Variants in DNAJC13 observed in about 807,000 individuals in gnomAD.
DNAJC13 encodes DnaJ heat shock protein family (Hsp40) member C13.
DNAJC13 carries 75 observed loss-of-function variants against 290.5 expected under a neutral mutation model. The observed-to-expected ratio is 0.26, with a 90% CI of 0.21 to 0.31. The LOEUF is 0.31. Ranked by LOEUF, DNAJC13 falls within the 10% of genes least tolerant of loss-of-function variation. The pLI is 1.00. For synonymous variants in DNAJC13, 862 were observed against 892.0 expected, an observed-to-expected ratio of 0.97 and a Z score of 0.60; for missense variants, 2,260 against 2,674.5, an observed-to-expected ratio of 0.85 and a Z score of 3.42.
intron 33 of DNAJC13, among the ~76,000 whole-genome samples, 173 bp downstream of exon 33, chr3:132,492,788 A>C (rs1935105192): frequency 6.7e-6 from 1 of 149,564 alleles, no homozygotes; most frequent in Non-Finnish European, 1.5e-5. Flanking sequence ...GGTAGATCTC[A>C]CACTGAAAGA....
At chr3:132,505,032 A>T (rs1171130229) in intron 41 of DNAJC13, among the ~76,000 whole-genome samples, 5 of 152,226 alleles carry the variant, frequency 3.3e-5, no homozygotes, top group Admixed American at 2.0e-4. Context: ...AGAATGTTGA[A>T]GTCAGACTCA....
intron 30 of DNAJC13, 51 bp downstream of exon 30, chr3:132,488,503 G>T: frequency 6.8e-7 from 1 of 1,481,014 alleles, no homozygotes; most frequent in Non-Finnish European, 9.1e-7. Context: ...AATTTTATAT[G>T]GACTGATTTA....
rs191658357 is a variant in DNAJC13 at position 132,498,808 on chromosome 3, C to T, written c.4157-318C>T. Among the ~76,000 whole-genome samples the T allele has an allele frequency of 6.6e-5, 10 of 152,086 alleles. No homozygotes were observed. In the East Asian group the frequency reaches 9.7e-4, roughly 15 times the overall value. On this transcript the variant is annotated intron_variant, in intron 36 of 55. Coordinates refer to ENST00000260818, the MANE Select transcript of DNAJC13 (RefSeq NM_015268.4). The stretch of plus-strand genomic sequence containing the variant: ...TCCACTCACTGCAAGCTCCACCTCC[C>T]GGGTTCACACCTTTCTCCTGCCTCA...
chr3:132,492,380 C>G, intron 32 of DNAJC13, 34 bp from the exon 33 acceptor site: 1 of 1,605,238 alleles, frequency 6.2e-7, no homozygotes, highest in Non-Finnish European at 8.5e-7. Flanking sequence ...AATAATACCT[C>G]ATAAAGCTTG....
chr3:132,486,081 C>CTTT (rs1200741743), intron 29 of DNAJC13, among the ~76,000 whole-genome samples: 1 of 75,656 alleles, frequency 1.3e-5, no homozygotes, highest in Non-Finnish European at 2.6e-5. Context: ...AATGCCCTAT[C>CTTT]CTTTTTTTTT....
At chr3:132,461,003 G>T (rs201484407) in intron 14 of DNAJC13, 47 bp from the exon 15 acceptor site, 1 of 1,553,330 alleles carries the variant, frequency 6.4e-7, no homozygotes, top group Non-Finnish European at 8.8e-7. Context: ...TTTAACTGAA[G>T]GTCCCCATCT....
intron 1 of DNAJC13, among the ~76,000 whole-genome samples, chr3:132,429,837 A>C (rs1939195510): frequency 6.6e-6 from 1 of 152,188 alleles, no homozygotes; most frequent in Non-Finnish European, 1.5e-5. Context: ...TTTCAAATAG[A>C]GGAGCAATTT....
intron 28 of DNAJC13, 97 bp downstream of exon 28, chr3:132,483,674 A>T: frequency 8.1e-7 from 1 of 1,240,486 alleles, no homozygotes; most frequent in Non-Finnish European, 1.2e-6. Context: ...TGTCCTATTT[A>T]TGGCCTTGGA....
intron 33 of DNAJC13, among the ~76,000 whole-genome samples, chr3:132,493,003 A>G (rs1282226153): frequency 6.6e-6 from 1 of 152,076 alleles, no homozygotes; most frequent in Non-Finnish European, 1.5e-5. Flanking sequence ...CTGGGCCATT[A>G]ATATTTAATA....
intron 9 of DNAJC13, among the ~76,000 whole-genome samples, chr3:132,455,982 G>A (rs1466471132): frequency 2.6e-5 from 4 of 152,162 alleles, no homozygotes; most frequent in Admixed American, 1.3e-4. Context: ...GAGTAAAGCT[G>A]TTAAAAATAA....
intron 2 of DNAJC13, among the ~76,000 whole-genome samples, chr3:132,440,423 A>T (rs1933024240): frequency 6.6e-6 from 1 of 152,274 alleles, no homozygotes; most frequent in South Asian, 2.1e-4. Flanking sequence ...AGCCAGGCAC[A>T]TAAGTGCCAA....
chr3:132,535,069 G>A (rs1050192901), intron 55 of DNAJC13, among the ~76,000 whole-genome samples: 3 of 152,186 alleles, frequency 2.0e-5, no homozygotes, highest in African/African-American at 7.2e-5. Flanking sequence ...TTGAAATCAA[G>A]GTTGCTGTGA....
Position 132,523,666 on chromosome 3 carries a change from G to C in DNAJC13, c.6013G>C (p.Ala2005Pro). 1 of 1,613,930 alleles carries C rather than the reference G, an allele frequency of 6.2e-7. No homozygotes were observed. The change falls in exon 51 of 56, where the codon GCC (alanine) becomes CCC (proline). Residue 2005 changes from alanine to proline, a missense_variant. Around this residue, in one of 3 missense-constraint regions of DNAJC13, gnomAD observed 1,494 missense variants for 1,693.7 expected, o/e 0.88. Transcript: ENST00000260818. ...VLRKPREFLI[A>P]LLEKLTELLE... ...AAGAAAGCCTAGAGAATTTCTTATTGCCCTGTTAGAAAAATTAACTGAGCT... is the reference window on the plus strand; with the variant it reads ...AAGAAAGCCTAGAGAATTTCTTATTCCCCTGTTAGAAAAATTAACTGAGCT...
intron 48 of DNAJC13, 100 bp downstream of exon 48, chr3:132,516,916 T>G: frequency 9.9e-7 from 1 of 1,012,230 alleles, no homozygotes; most frequent in South Asian, 1.6e-5. Context: ...ATGGTGAGGA[T>G]AAGGAAATGA....
chr3:132,480,302 A>G lies in DNAJC13; in HGVS notation c.2773-67A>G, dbSNP rs1233101111. On this transcript the variant is annotated intron_variant, in intron 25 of 55. Coordinates refer to ENST00000260818, the MANE Select transcript of DNAJC13 (RefSeq NM_015268.4). Reference sequence around the variant, plus strand: ...GGTGGTAGTACCTATTGGGAAAGGTACTATTGGGATAGGTTTTAGGTTATG... The same window carrying G: ...GGTGGTAGTACCTATTGGGAAAGGTGCTATTGGGATAGGTTTTAGGTTATG... 6.8e-6 allele frequency: 7 copies of G among 1,032,736 alleles called. No individual in the cohort carries two copies. The East Asian group carries it at 1.5e-4, about 22-fold the overall frequency. 64.0% of individuals were successfully genotyped at this position (1,032,736 alleles called of 1,614,324 possible).
intron 45 of DNAJC13, among the ~76,000 whole-genome samples, 174 bp from the exon 46 acceptor site, chr3:132,514,397 G>A (rs1430373765): frequency 6.6e-6 from 1 of 152,050 alleles, no homozygotes; most frequent in Non-Finnish European, 1.5e-5. Context: ...AAACCTCAAG[G>A]TATTATTTCC....
chr3:132,436,402 C>A (rs1939386680), intron 2 of DNAJC13, among the ~76,000 whole-genome samples: 1 of 152,198 alleles, frequency 6.6e-6, no homozygotes, highest in African/African-American at 2.4e-5. Flanking sequence ...TCATTAATGT[C>A]ATATAATCTG....
At chr3:132,511,331 G>A in intron 44 of DNAJC13, 87 bp downstream of exon 44, 1 of 1,452,362 alleles carries the variant, frequency 6.9e-7, no homozygotes, top group African/African-American at 1.4e-5. Flanking sequence ...GGGAAACTCA[G>A]GGAAAATTAT....
chr3:132,427,736 T>C (rs1939136617), intron 1 of DNAJC13, among the ~76,000 whole-genome samples: 1 of 152,168 alleles, frequency 6.6e-6, no homozygotes, highest in Non-Finnish European at 1.5e-5. Context: ...AAATGCTGTA[T>C]TAGGTACAAG....
Sources: allele counts gnomAD v4.1 joint callset (sites outside exome capture counted in the v4.1 genomes callset), GRCh38; gene constraint gnomAD v4.1.1; regional missense constraint gnomAD v4.1.1; transcripts MANE v1.5; gene names NCBI Gene and HGNC (gene_info 2026-07-23, HGNC 2026-07-21).